AGPS: variants seen among roughly 807,000 people sequenced by gnomAD.
AGPS encodes alkylglycerone phosphate synthase.
Under a neutral mutation model 90.7 loss-of-function variants are expected in AGPS, and 26 were observed. The observed-to-expected ratio is 0.29, with a 90% confidence interval of 0.21 to 0.40. The LOEUF is 0.40. AGPS is among the 10% of genes least tolerant of loss of function. The probability of loss-of-function intolerance (pLI) is 1.00; values close to 1 mark genes in which losing one functional copy is unlikely to be tolerated. For missense variants in AGPS, 540 were observed against 816.1 expected (o/e 0.66, Z 4.12); for synonymous variants, 294 against 285.3 (o/e 1.03, Z -0.31).
rs534057959 is a variant in AGPS at position 177,454,488 on chromosome 2, C to T, written c.871-7405C>T. 5.7e-4 allele frequency among the ~76,000 whole-genome samples: 86 copies of T among 151,680 alleles called. 1 individual carries two copies. The South Asian group carries it at 0.017, about 30-fold the overall frequency. ...TAATGTTCTTGTCAGCTGTGTCTAA[C>T]GTCTGTGTTAGTTCTGGATTGGTTT... is the stretch of plus-strand genomic sequence containing the variant. On this transcript the variant is annotated intron_variant, in intron 8 of 19. Coordinates refer to ENST00000264167, the MANE Select transcript of AGPS (RefSeq NM_003659.4).
intron 11 of AGPS, 83 bp downstream of exon 11, chr2:177,482,269 T>C: frequency 1.3e-6 from 1 of 757,020 alleles, no homozygotes. Context: ...CATAGTTGAT[T>C]GTGATATGTT....
At chr2:177,461,208 G>C (rs1342889751) in intron 8 of AGPS, among the ~76,000 whole-genome samples, 1 of 152,212 alleles carries the variant, frequency 6.6e-6, no homozygotes, top group Non-Finnish European at 1.5e-5. Flanking sequence ...AATGGCTTTG[G>C]TGGTGTTGCA....
intron 10 of AGPS, among the ~76,000 whole-genome samples, chr2:177,476,679 T>C (rs917117797): frequency 3.3e-5 from 5 of 152,132 alleles, no homozygotes; most frequent in Non-Finnish European, 4.4e-5. Flanking sequence ...TTAGGTCTAA[T>C]TGGTTTATAG....
intron 12 of AGPS, among the ~76,000 whole-genome samples, chr2:177,495,618 A>G (rs532314388): frequency 1.8e-4 from 27 of 152,218 alleles, no homozygotes; most frequent in Middle Eastern, 3.4e-3. Context: ...TTAAAAAACC[A>G]CAATAGCAGC....
At chr2:177,520,567 A>G (rs1689150608) in intron 17 of AGPS, among the ~76,000 whole-genome samples, 1 of 152,302 alleles carries the variant, frequency 6.6e-6, no homozygotes, top group East Asian at 1.9e-4. Flanking sequence ...ACTTGCACAT[A>G]TGGAGCTCAT....
intron 1 of AGPS, among the ~76,000 whole-genome samples, chr2:177,400,437 A>G (rs1685300900): frequency 6.6e-6 from 1 of 152,184 alleles, no homozygotes. Context: ...AAACATTAAC[A>G]TCTGTCTTTG....
chr2:177,437,700 G>C (rs1471717516), intron 5 of AGPS, among the ~76,000 whole-genome samples: 1 of 152,146 alleles, frequency 6.6e-6, no homozygotes, highest in African/African-American at 2.4e-5. Context: ...ATTTTTTAAA[G>C]AGTTCTATTG....
At chr2:177,433,185 A>G (rs1285014769) in intron 2 of AGPS, among the ~76,000 whole-genome samples, 2 of 152,242 alleles carry the variant, frequency 1.3e-5, no homozygotes, top group African/African-American at 2.4e-5. Flanking sequence ...GATTTCTTAC[A>G]TGTAATTGAG....
chr2:177,450,469 A>G (rs140974883), intron 8 of AGPS, among the ~76,000 whole-genome samples: 1 of 152,302 alleles, frequency 6.6e-6, no homozygotes, highest in East Asian at 1.9e-4. Context: ...TATTATTTGT[A>G]TATGGTATAA....
At chr2:177,493,027 G>A in intron 11 of AGPS, 121 bp from the exon 12 acceptor site, 1 of 884,910 alleles carries the variant, frequency 1.1e-6, no homozygotes, top group South Asian at 1.6e-5. Context: ...TTTTTCCTCT[G>A]TAAATCCTTA....
At chr2:177,526,956 G>A (rs2079093712) in intron 19 of AGPS, among the ~76,000 whole-genome samples, 1 of 152,170 alleles carries the variant, frequency 6.6e-6, no homozygotes, top group Non-Finnish European at 1.5e-5. Context: ...TGAATATAAA[G>A]TAACTGGCCC....
At chr2:177,522,520 G>T (rs933916828) in intron 18 of AGPS, among the ~76,000 whole-genome samples, 18 of 152,102 alleles carry the variant, frequency 1.2e-4, no homozygotes, top group African/African-American at 4.1e-4. Context: ...CGTGATCTCG[G>T]CTCACTGCAA....
chr2:177,409,657 G>A (rs1477424312), intron 1 of AGPS, among the ~76,000 whole-genome samples: 1 of 152,058 alleles, frequency 6.6e-6, no homozygotes, highest in Non-Finnish European at 1.5e-5. Flanking sequence ...CTGAATTGGG[G>A]GCATAGTAGG....
At chr2:177,413,253 G>A (rs1269206023) in intron 1 of AGPS, among the ~76,000 whole-genome samples, 1 of 152,172 alleles carries the variant, frequency 6.6e-6, no homozygotes, top group African/African-American at 2.4e-5. Flanking sequence ...GGTATTGTTG[G>A]TCTGTCCCCA....
At chr2:177,516,364 C>T (rs890732789) in intron 17 of AGPS, among the ~76,000 whole-genome samples, 3 of 151,920 alleles carry the variant, frequency 2.0e-5, no homozygotes, top group Non-Finnish European at 2.9e-5. Context: ...ATAAAGTACT[C>T]CAAAAAGTAG....
At chr2:177,523,331 G>A (rs1689253103) in intron 18 of AGPS, among the ~76,000 whole-genome samples, 1 of 152,140 alleles carries the variant, frequency 6.6e-6, no homozygotes, top group Non-Finnish European at 1.5e-5. Context: ...GATACTGCAG[G>A]CAAATTACTT....
intron 1 of AGPS, among the ~76,000 whole-genome samples, chr2:177,407,212 A>G (rs1685492101): frequency 6.6e-6 from 1 of 152,224 alleles, no homozygotes; most frequent in Non-Finnish European, 1.5e-5. Context: ...TAATGATTGT[A>G]AAGCCCTTAG....
rs558795233 is a variant in AGPS at position 177,424,329 on chromosome 2, A to G, written c.350+3971A>G. Among the ~76,000 whole-genome samples, 3 of 152,220 alleles carry G rather than the reference A, an allele frequency of 2.0e-5. 1 individual carries two copies. The highest frequency in any genetic ancestry group is 1.9e-4 in the East Asian group (1 of 5,176). The stretch of plus-strand genomic sequence containing the variant: ...ATGGCTGCATAGTATTCCATGGTGT[A>G]TATGTACCATATTTTCTTTATCCAG... On this transcript the variant is annotated intron_variant, in intron 2 of 19. Coordinates refer to ENST00000264167, the MANE Select transcript of AGPS (RefSeq NM_003659.4).
At chr2:177,469,136 A>G (rs1687538779) in intron 10 of AGPS, among the ~76,000 whole-genome samples, 1 of 152,140 alleles carries the variant, frequency 6.6e-6, no homozygotes, top group Admixed American at 6.5e-5. Flanking sequence ...TTATGTAGGC[A>G]TGGTGAATTG....
Sources: allele counts gnomAD v4.1 joint callset (sites outside exome capture counted in the v4.1 genomes callset), GRCh38; gene constraint gnomAD v4.1.1; transcripts MANE v1.5; gene names NCBI Gene and HGNC (gene_info 2026-07-23, HGNC 2026-07-21).